The following TBC1D5 variants were observed in gnomAD, a reference collection of about 807,000 sequenced individuals.
The protein encoded by TBC1D5 is TBC1 domain family, member 5.
In TBC1D5, 75 loss-of-function variants were observed where a neutral mutation model predicts 100.3. That is an observed-to-expected ratio of 0.75 (90% confidence interval 0.62 to 0.91). TBC1D5 has a LOEUF of 0.91. Ranked by LOEUF, TBC1D5 falls within the 40% of genes least tolerant of loss-of-function variation. The pLI, the probability that TBC1D5 is intolerant of heterozygous loss-of-function variation, is 0.00. For missense variants in TBC1D5, 910 were observed against 942.4 expected (o/e 0.97, Z 0.45); for synonymous variants, 323 against 325.6 (o/e 0.99, Z 0.09).
intron 2 of TBC1D5, among the ~76,000 whole-genome samples, chr3:17,541,009 T>G (rs1430514440): frequency 6.6e-6 from 1 of 151,718 alleles, no homozygotes; most frequent in African/African-American, 2.4e-5. Context: ...TTCTGTTTCA[T>G]TGGTCTATAT....
chr3:17,163,114 C>G (rs764727369), intron 21 of TBC1D5, among the ~76,000 whole-genome samples: 2 of 152,162 alleles, frequency 1.3e-5, no homozygotes, highest in Non-Finnish European at 2.9e-5. Flanking sequence ...ACTTTTCAAA[C>G]CCCTGACTAA....
At chr3:17,553,048 GACT>G (rs2096487008) in intron 2 of TBC1D5, among the ~76,000 whole-genome samples, 1 of 152,032 alleles carries the variant, frequency 6.6e-6, no homozygotes, top group Non-Finnish European at 1.5e-5. Context: ...ATACAAAATT[GACT>G]ACATGATAGG....
At chr3:17,467,050 T>A (rs1182720617) in intron 3 of TBC1D5, among the ~76,000 whole-genome samples, 1 of 152,134 alleles carries the variant, frequency 6.6e-6, no homozygotes, top group Non-Finnish European at 1.5e-5. Context: ...GTATGACAAC[T>A]GATTTCTACG....
At chr3:17,449,179 T>C (rs541408013) in intron 3 of TBC1D5, among the ~76,000 whole-genome samples, 6 of 152,286 alleles carry the variant, frequency 3.9e-5, no homozygotes, top group African/African-American at 7.2e-5. Flanking sequence ...TGAGGGACTG[T>C]GCCATGAGAG....
intron 15 of TBC1D5, among the ~76,000 whole-genome samples, chr3:17,265,686 A>G (rs1028599282): frequency 3.9e-5 from 6 of 152,152 alleles, no homozygotes; most frequent in Non-Finnish European, 8.8e-5. Context: ...GGCAAACCTC[A>G]GCCATGGAAG....
chr3:17,262,478 GTTTTT>G (rs746293280), intron 15 of TBC1D5, among the ~76,000 whole-genome samples: 4 of 114,980 alleles, frequency 3.5e-5, no homozygotes, highest in Admixed American at 1.8e-4. Flanking sequence ...CCAAAACAAT[GTTTTT>G]TTTTTTTTTT....
At chr3:17,564,385 A>AT (rs2096580758) in intron 2 of TBC1D5, among the ~76,000 whole-genome samples, 1 of 152,200 alleles carries the variant, frequency 6.6e-6, no homozygotes, top group African/African-American at 2.4e-5. Context: ...CTATGAATCA[A>AT]ATCATTGGCT....
At chr3:17,730,754 G>C (rs2076486145) in intron 1 of TBC1D5, among the ~76,000 whole-genome samples, 2 of 152,114 alleles carry the variant, frequency 1.3e-5, no homozygotes, top group Admixed American at 1.3e-4. Flanking sequence ...ATTTACTGCT[G>C]TATTTTTAAC....
chr3:17,628,348 C>T (rs930728567), intron 1 of TBC1D5, among the ~76,000 whole-genome samples: 18 of 148,762 alleles, frequency 1.2e-4, no homozygotes, highest in African/African-American at 3.7e-4. Flanking sequence ...CCAGCCTGGG[C>T]AACAAGAGTG....
intron 2 of TBC1D5, among the ~76,000 whole-genome samples, chr3:17,528,793 A>G (rs2096176230): frequency 6.6e-6 from 1 of 152,228 alleles, no homozygotes; most frequent in Admixed American, 6.5e-5. Context: ...CATTTTGATA[A>G]CAAAACAAGT....
intron 16 of TBC1D5, among the ~76,000 whole-genome samples, chr3:17,256,098 T>G (rs938469906): frequency 1.3e-5 from 2 of 152,120 alleles, no homozygotes; most frequent in Admixed American, 1.3e-4. Flanking sequence ...TAACTATTGG[T>G]CAGATTATTG....
intron 16 of TBC1D5, among the ~76,000 whole-genome samples, chr3:17,249,916 C>CTG (rs1462769874): frequency 1.3e-5 from 2 of 152,160 alleles, no homozygotes; most frequent in East Asian, 3.9e-4. Context: ...TCAAAGCTCA[C>CTG]TAATTACAGA....
chr3:17,456,114 G>A (rs1017717359), intron 3 of TBC1D5, among the ~76,000 whole-genome samples: 1 of 152,104 alleles, frequency 6.6e-6, no homozygotes, highest in Admixed American at 6.5e-5. Flanking sequence ...AATGAAACTA[G>A]AGCCCTATCT....
exon 22 of TBC1D5, chr3:17,157,755 C>T (rs1264720541): frequency 6.6e-6 from 1 of 152,268 alleles, no homozygotes; most frequent in African/African-American, 2.4e-5. Context: ...CTCTGACTCA[C>T]AGGTTATTCT....
intron 2 of TBC1D5, among the ~76,000 whole-genome samples, chr3:17,609,990 T>A (rs1024027297): frequency 3.3e-5 from 5 of 152,242 alleles, no homozygotes; most frequent in African/African-American, 9.6e-5. Flanking sequence ...TGGGGAAATC[T>A]TGTGAGTCTT....
intron 16 of TBC1D5, among the ~76,000 whole-genome samples, chr3:17,255,457 C>T (rs566871040): frequency 1.3e-5 from 2 of 152,166 alleles, no homozygotes; most frequent in African/African-American, 4.8e-5. Context: ...TCCTGGGCCT[C>T]CCAAAGTGCT....
At chr3:17,584,766 C>T (rs2096721958) in intron 2 of TBC1D5, among the ~76,000 whole-genome samples, 1 of 152,340 alleles carries the variant, frequency 6.6e-6, no homozygotes, top group South Asian at 2.1e-4. Flanking sequence ...AAGAGATTCT[C>T]CTGCCTCAGC....
At chr3:17,442,839 G>A (rs2094696401) in intron 3 of TBC1D5, among the ~76,000 whole-genome samples, 1 of 152,010 alleles carries the variant, frequency 6.6e-6, no homozygotes, top group South Asian at 2.1e-4. Context: ...AACAGCAGGA[G>A]AGTTGGTAAT....
At chr3:17,554,601 C>T (rs959551852) in intron 2 of TBC1D5, among the ~76,000 whole-genome samples, 6 of 152,174 alleles carry the variant, frequency 3.9e-5, no homozygotes, top group African/African-American at 7.2e-5. Flanking sequence ...ACAAAGGTTA[C>T]TGACGAATAT....
Sources: allele counts gnomAD v4.1 joint callset (sites outside exome capture counted in the v4.1 genomes callset), GRCh38; gene constraint gnomAD v4.1.1; transcripts MANE v1.5; gene names NCBI Gene and HGNC (gene_info 2026-07-23, HGNC 2026-07-21).